The following ARID4A variants were observed in gnomAD, a reference collection of about 807,000 sequenced individuals.
ARID4A encodes AT-rich interaction domain 4A, also known as AT-rich interactive domain-containing protein 4A.
A neutral mutation model predicts 148.6 loss-of-function variants in ARID4A; 39 were observed. The observed-to-expected ratio is 0.26, with a 90% confidence interval of 0.20 to 0.34. The LOEUF (loss-of-function observed/expected upper bound fraction) is 0.34, where lower values mean the gene tolerates loss of function less well. Ranked by LOEUF, ARID4A falls within the 10% of genes least tolerant of loss-of-function variation. The probability of loss-of-function intolerance (pLI) is 1.00; values close to 1 mark genes in which losing one functional copy is unlikely to be tolerated. For missense variants in ARID4A, 1,265 were observed against 1,449.1 expected (o/e 0.87, Z 2.06); for synonymous variants, 475 against 481.2 (o/e 0.99, Z 0.17).
At chr14:58,356,884 T>C (rs1011119541) in intron 17 of ARID4A, among the ~76,000 whole-genome samples, 2 of 152,072 alleles carry the variant, frequency 1.3e-5, no homozygotes, top group Non-Finnish European at 2.9e-5. Context: ...GTATTTTTAG[T>C]AGAGACAGGG....
rs535869963 is a variant in ARID4A at position 58,340,576 on chromosome 14, C to T, written c.907-4119C>T. On this transcript the variant is annotated intron_variant, in intron 11 of 23. Transcript: ENST00000355431. ...TGTTGCCCAGGCTGGTCTTGAACTT[C>T]TGAGCTCAGGCAATCCGCCCATCTC... Among the ~76,000 whole-genome samples, 6 of 152,328 alleles carry T rather than the reference C, an allele frequency of 3.9e-5. 1 individual carries two copies. The South Asian group carries it at 1.0e-3, about 26-fold the overall frequency.
At chr14:58,320,599 CTT>C (rs778275420) in intron 7 of ARID4A, among the ~76,000 whole-genome samples, 15 of 127,570 alleles carry the variant, frequency 1.2e-4, no homozygotes, top group South Asian at 5.0e-4. Context: ...ATGACATTGA[CTT>C]TTTTTTTTTT....
At chr14:58,305,655 T>C (rs1273798334) in intron 4 of ARID4A, among the ~76,000 whole-genome samples, 1 of 152,182 alleles carries the variant, frequency 6.6e-6, no homozygotes, top group Non-Finnish European at 1.5e-5. Context: ...TTGGTTGTCT[T>C]ATAATTTTAC....
chr14:58,369,440 A>G (rs1178488858), intron 23 of ARID4A, among the ~76,000 whole-genome samples: 3 of 152,104 alleles, frequency 2.0e-5, no homozygotes, highest in Non-Finnish European at 4.4e-5. Context: ...AACCTGGCCA[A>G]CATGACAAAA....
intron 7 of ARID4A, among the ~76,000 whole-genome samples, chr14:58,320,401 G>A (rs1322344765): frequency 2.0e-5 from 3 of 152,062 alleles, no homozygotes; most frequent in Admixed American, 6.5e-5. Context: ...AAAATTTAAC[G>A]CTGATAGACT....
chr14:58,329,191 A>T (rs373217880), intron 9 of ARID4A, among the ~76,000 whole-genome samples: 17 of 152,300 alleles, frequency 1.1e-4, no homozygotes, highest in Middle Eastern at 3.4e-3. Context: ...TGAAAAATAA[A>T]TTTCACAAAT....
chr14:58,356,606 C>T (rs967122743), intron 17 of ARID4A, among the ~76,000 whole-genome samples: 3 of 151,856 alleles, frequency 2.0e-5, no homozygotes, highest in African/African-American at 7.3e-5. Context: ...CAGGCAGTTC[C>T]TAACTTATAG....
chr14:58,304,982 A>G lies in ARID4A; in HGVS notation c.156A>G (p.Gln52=). The G allele has an allele frequency of 6.2e-7, 1 of 1,607,644 alleles. No homozygotes were observed. The change falls in exon 4 of 24, where the codon CAA becomes CAG. Residue 52 remains glutamine (Q), a synonymous_variant. Coordinates refer to ENST00000355431, the MANE Select transcript of ARID4A (RefSeq NM_002892.4). ...LKQDNTTQLV[Q]DDQVKGPLRV... ...AGGATAATACCACACAATTGGTACAAGATGACCAAGTAAAGGGTCCTTTAA... is the reference window on the plus strand; with the variant it reads ...AGGATAATACCACACAATTGGTACAGGATGACCAAGTAAAGGGTCCTTTAA...
At chr14:58,348,017 T>C (rs911735113) in intron 15 of ARID4A, 139 bp downstream of exon 15, 7 of 607,114 alleles carry the variant, frequency 1.2e-5, no homozygotes, top group African/African-American at 1.9e-5. Flanking sequence ...CTAGCTACTT[T>C]TTTCGAAATA....
intron 23 of ARID4A, among the ~76,000 whole-genome samples, chr14:58,370,407 C>T (rs990495951): frequency 2.0e-5 from 3 of 152,106 alleles, no homozygotes; most frequent in Non-Finnish European, 2.9e-5. Flanking sequence ...AGCCATTTTC[C>T]TGCCTCAGCC....
intron 5 of ARID4A, 119 bp downstream of exon 5, chr14:58,306,231 T>C: frequency 1.5e-6 from 1 of 669,202 alleles, no homozygotes. Context: ...GTCAGTTTAC[T>C]GGATATAGCT....
At chr14:58,336,733 T>A (rs990063874) in intron 11 of ARID4A, among the ~76,000 whole-genome samples, 1 of 152,076 alleles carries the variant, frequency 6.6e-6, no homozygotes, top group African/African-American at 2.4e-5. Context: ...GACTGTTTGT[T>A]TAGTCCTTAC....
chr14:58,361,118 G>A, intron 19 of ARID4A, 76 bp downstream of exon 19: 1 of 1,490,002 alleles, frequency 6.7e-7, no homozygotes. Context: ...CAATTTTGAG[G>A]ATGGCTGACT....
At chr14:58,320,955 G>C (rs992901484) in intron 7 of ARID4A, among the ~76,000 whole-genome samples, 4 of 152,154 alleles carry the variant, frequency 2.6e-5, no homozygotes, top group Admixed American at 6.5e-5. Flanking sequence ...CTTGTAACCT[G>C]TTCCCTAATA....
At chr14:58,321,304 T>C (rs2032871733) in intron 7 of ARID4A, among the ~76,000 whole-genome samples, 1 of 152,216 alleles carries the variant, frequency 6.6e-6, no homozygotes, top group South Asian at 2.1e-4. Context: ...TTCTAATTTT[T>C]CATTCTTGCT....
At position 58,365,238 on chromosome 14, in the gene ARID4A, A is replaced by C. The variant is rs2035303191; in HGVS notation, c.3149A>C (p.Glu1050Ala). The C allele has an allele frequency of 6.2e-7, 1 of 1,614,134 alleles. No homozygotes were observed. Among genetic ancestry groups the C allele is most frequent in the Non-Finnish European group, 8.5e-7 (1 of 1,179,992 alleles). The change falls in exon 20 of 24, where the codon GAA (glutamate) becomes GCA (alanine). Residue 1050 changes from glutamate to alanine, a missense_variant. By Grantham distance (107) the Glu-to-Ala change is moderately radical (BLOSUM62 -1). This residue lies in a region of ARID4A where 666 missense variants were observed against 730.9 expected (regional missense o/e 0.91). Transcript: ENST00000355431. ...GAGAGGGAATCGGCAAATGGATTTG[A>C]AACTAATGTTGCCTCTGGTACCTGT... Reference protein sequence around the residue: ...LCERESANGFETNVASGTCSI... With the variant: ...LCERESANGFATNVASGTCSI...
intron 4 of ARID4A, among the ~76,000 whole-genome samples, chr14:58,305,656 A>G (rs559375497): frequency 2.2e-4 from 34 of 152,316 alleles, no homozygotes; most frequent in Non-Finnish European, 3.8e-4. Context: ...TGGTTGTCTT[A>G]TAATTTTACA....
At chr14:58,310,389 A>G (rs2031936207) in intron 5 of ARID4A, among the ~76,000 whole-genome samples, 1 of 152,192 alleles carries the variant, frequency 6.6e-6, no homozygotes, top group Non-Finnish European at 1.5e-5. Flanking sequence ...AGCTATAGTA[A>G]TCAAAATATC....
intron 3 of ARID4A, among the ~76,000 whole-genome samples, chr14:58,303,155 A>C (rs562125704): frequency 6.6e-6 from 1 of 152,208 alleles, no homozygotes; most frequent in African/African-American, 2.4e-5. Flanking sequence ...CCTCCTTAAA[A>C]AATTTTATTT....
Sources: allele counts gnomAD v4.1 joint callset (sites outside exome capture counted in the v4.1 genomes callset), GRCh38; gene constraint gnomAD v4.1.1; regional missense constraint gnomAD v4.1.1; transcripts MANE v1.5; gene names NCBI Gene and HGNC (gene_info 2026-07-23, HGNC 2026-07-21).